The following POTEE variants were observed in gnomAD, a reference collection of about 807,000 sequenced individuals.
The protein encoded by POTEE is ANKRD26-like family C member 1A.
POTEE carries 21 observed loss-of-function variants against 74.2 expected under a neutral mutation model. That is an observed-to-expected ratio of 0.28 (90% confidence interval 0.20 to 0.41). The LOEUF (loss-of-function observed/expected upper bound fraction) is 0.41, where lower values mean the gene tolerates loss of function less well. Ranked by LOEUF, POTEE falls within the 10% of genes least tolerant of loss-of-function variation. The probability of loss-of-function intolerance (pLI) is 1.00; values close to 1 mark genes in which losing one functional copy is unlikely to be tolerated. For synonymous variants in POTEE, 211 were observed against 432.8 expected, an observed-to-expected ratio of 0.49 and a Z score of 6.36; for missense variants, 525 against 1,158.6, an observed-to-expected ratio of 0.45 and a Z score of 7.94.
At chr2:131,251,328 T>A (rs1701462094) in intron 14 of POTEE, among the ~76,000 whole-genome samples, 1 of 18,876 alleles carries the variant, frequency 5.3e-5, no homozygotes, top group African/African-American at 9.8e-5. Context: ...GCAACCTTAT[T>A]AACAGAAGAA....
chr2:131,222,594 G>T (rs951979816), intron 4 of POTEE, among the ~76,000 whole-genome samples: 1 of 151,794 alleles, frequency 6.6e-6, no homozygotes, highest in Non-Finnish European at 1.5e-5. Flanking sequence ...TCCACAAATC[G>T]TTTCATAAAT....
At chr2:131,214,590 A>G (rs1381363984) in intron 2 of POTEE, among the ~76,000 whole-genome samples, 6 of 152,090 alleles carry the variant, frequency 3.9e-5, no homozygotes, top group African/African-American at 1.4e-4. Flanking sequence ...TTAAAAGAAA[A>G]TGAAAGCTCT....
rs1365285450 is a variant in POTEE at position 131,228,478 on chromosome 2, G to A, written c.1055+97G>A. ...CATATCAGGTGAGATGTCATAGTTT[G>A]GTTCAGGTAGTTTTCGCGTGGCAGT... On this transcript the variant is annotated intron_variant, in intron 8 of 17. Transcript: ENST00000683005. 32 of 1,576,682 alleles carry A rather than the reference G, an allele frequency of 2.0e-5. 1 individual carries two copies. Among genetic ancestry groups the A allele is most frequent in the Admixed American group, 1.0e-4 (6 of 57,594 alleles).
At chr2:131,221,751 G>T (rs1184207067) in intron 4 of POTEE, among the ~76,000 whole-genome samples, 2 of 152,136 alleles carry the variant, frequency 1.3e-5, no homozygotes, top group Non-Finnish European at 2.9e-5. Context: ...TAAAAAGTAT[G>T]AATTAATCAT....
intron 4 of POTEE, among the ~76,000 whole-genome samples, chr2:131,219,653 C>G (rs189915171): frequency 6.6e-6 from 1 of 151,868 alleles, no homozygotes; most frequent in Non-Finnish European, 1.5e-5. Context: ...AGGAGAATGG[C>G]GTGAACCCGG....
intron 10 of POTEE, 138 bp from the exon 11 acceptor site, chr2:131,238,056 A>C (rs1701197730): frequency 2.0e-6 from 1 of 506,454 alleles, no homozygotes; most frequent in Non-Finnish European, 3.2e-6. Flanking sequence ...GTTAAATTTT[A>C]ATTTTAATTA....
At chr2:131,232,922 A>T in intron 9 of POTEE, among the ~76,000 whole-genome samples, 1 of 151,918 alleles carries the variant, frequency 6.6e-6, no homozygotes, top group East Asian at 1.9e-4. Flanking sequence ...TTCCTGTAAC[A>T]TTTCACTGGC....
chr2:131,248,510 G>GCAGGAATGACTAATGTTTTTCGATC (rs1701405066), intron 13 of POTEE, among the ~76,000 whole-genome samples: 1 of 150,704 alleles, frequency 6.6e-6, no homozygotes, highest in Non-Finnish European at 1.5e-5. Context: ...GTTTTTCGAT[G>GCAGGAATGACTAATGTTTTTCGATC]CATGTTTAAT....
intron 3 of POTEE, chr2:131,218,096 T>G: frequency 2.0e-6 from 1 of 509,464 alleles, no homozygotes. Context: ...TCTGCTGGGT[T>G]TGGCATTCCC....
chr2:131,224,809 C>G (rs1032810334), intron 6 of POTEE, among the ~76,000 whole-genome samples: 36 of 151,664 alleles, frequency 2.4e-4, no homozygotes, highest in Admixed American at 5.9e-4. Flanking sequence ...TAAGAGGAAA[C>G]CCTTGAGCAG....
intron 9 of POTEE, among the ~76,000 whole-genome samples, chr2:131,232,754 G>C (rs1701003793): frequency 6.6e-6 from 1 of 151,576 alleles, no homozygotes; most frequent in Admixed American, 6.6e-5. Context: ...CCCTCTTTCA[G>C]CTGTGCTGTT....
intron 4 of POTEE, among the ~76,000 whole-genome samples, chr2:131,221,819 A>G (rs985246925): frequency 1.3e-5 from 2 of 152,236 alleles, no homozygotes; most frequent in Non-Finnish European, 2.9e-5. Context: ...GATTATTACT[A>G]TTGCAAATGT....
chr2:131,233,986 A>AT (rs1455424405), intron 9 of POTEE, among the ~76,000 whole-genome samples: 9 of 151,420 alleles, frequency 5.9e-5, no homozygotes, highest in Admixed American at 1.3e-4. Context: ...CATGTAGGAT[A>AT]TTTTGAGTAG....
At chr2:131,231,431 A>G in intron 9 of POTEE, among the ~76,000 whole-genome samples, 1 of 152,018 alleles carries the variant, frequency 6.6e-6, no homozygotes, top group Non-Finnish European at 1.5e-5. Context: ...ATGGACTGGT[A>G]TGAGTCTGTG....
chr2:131,216,297 A>G (rs1361293332), intron 2 of POTEE, among the ~76,000 whole-genome samples: 2 of 152,182 alleles, frequency 1.3e-5, no homozygotes, highest in Non-Finnish European at 2.9e-5. Flanking sequence ...AACCGCTGTC[A>G]AATTCCAATG....
chr2:131,221,135 C>T (rs1379089803), intron 4 of POTEE, among the ~76,000 whole-genome samples: 1 of 152,126 alleles, frequency 6.6e-6, no homozygotes, highest in Admixed American at 6.5e-5. Flanking sequence ...GCTTTTTACT[C>T]ATCAATTCCA....
At chr2:131,216,886 G>A (rs897621743) in intron 2 of POTEE, among the ~76,000 whole-genome samples, 1 of 151,612 alleles carries the variant, frequency 6.6e-6, no homozygotes, top group African/African-American at 2.4e-5. Context: ...TTAGGAAGTA[G>A]ATGGATGATT....
Position 131,263,521 on chromosome 2 carries a change from A to G in POTEE, c.2066A>G (p.Asn689Ser), listed in dbSNP as rs779025775. 2.5e-6 allele frequency: 4 copies of G among 1,611,136 alleles called. No homozygotes were observed. The South Asian group carries it at 3.3e-5, about 13-fold the overall frequency. ...GAAAGTGTGAAAAAAAAGAATGATA[A>G]TCTTTTAAAGGCTCTACAATTGAAT... Reference protein sequence around the residue: ...DIESVKKKNDNLLKALQLNEL... With the variant: ...DIESVKKKNDSLLKALQLNEL... The change falls in exon 18 of 18, where the codon AAT (asparagine) becomes AGT (serine). Residue 689 changes from asparagine to serine, a missense_variant. Coordinates refer to ENST00000683005, the MANE Select transcript of POTEE (RefSeq NM_001083538.3).
In POTEE at chr2:131,228,079, G is replaced by T. The variant is rs1362946271; in HGVS notation, c.918-165G>T. Among the ~76,000 whole-genome samples the T allele has an allele frequency of 8.5e-3, 1,248 of 146,014 alleles. 3 individuals carry two copies. Among genetic ancestry groups the T allele is most frequent in the Middle Eastern group, 0.018 (5 of 282 alleles). The stretch of plus-strand genomic sequence containing the variant: ...TTTTTGGTCCCTTCCTTTTAACCTT[G>T]GTGGCATTTTACAAAGATGAACACT... On this transcript the variant is annotated intron_variant, in intron 7 of 17. Transcript: ENST00000683005.
Sources: gnomAD v4.1 joint callset for allele counts (sites outside exome capture counted in the v4.1 genomes callset) on GRCh38, gnomAD v4.1.1 for gene constraint, MANE v1.5 for transcripts, NCBI Gene and HGNC (gene_info 2026-07-23, HGNC 2026-07-21) for gene names.